GOLGA4: variants seen among roughly 807,000 people sequenced by gnomAD.
GOLGA4 encodes golgin subfamily A member 4.
Under a neutral mutation model 265.9 loss-of-function variants are expected in GOLGA4, and 169 were observed. That is an observed-to-expected ratio of 0.64 (90% CI 0.56 to 0.72). The LOEUF is 0.72. GOLGA4 is among the 30% of genes least tolerant of loss of function. The probability of loss-of-function intolerance (pLI) is 0.00; values close to 1 mark genes in which losing one functional copy is unlikely to be tolerated. For missense variants in GOLGA4, 2,482 were observed against 2,483.4 expected, an observed-to-expected ratio of 1.00 and a Z score of 0.01; for synonymous variants, 923 against 855.8, an observed-to-expected ratio of 1.08 and a Z score of -1.37.
intron 12 of GOLGA4, chr3:37,319,527 C>G (rs1439040732): frequency 6.4e-6 from 1 of 156,088 alleles, no homozygotes; most frequent in Admixed American, 6.5e-5. Context: ...CCTCAGCTTC[C>G]CAAGTAGCTG....
At chr3:37,335,235 T>TTTAGG in intron 17 of GOLGA4, 69 bp downstream of exon 17, 1 of 798,880 alleles carries the variant, frequency 1.3e-6, no homozygotes, top group South Asian at 1.5e-5. Flanking sequence ...TTGACTAGCC[T>TTTAGG]ACTAACATAC....
chr3:37,282,004 C>T lies in GOLGA4; in HGVS notation c.209C>T (p.Pro70Leu), dbSNP rs377708769. Residue 70 changes from proline (P) to leucine (L), a missense_variant, in exon 3 of 24, where the codon CCC (proline) becomes CTC (leucine). Pro to Leu is a moderately conservative substitution (Grantham distance 98, BLOSUM62 -3). Around this residue, in one of 3 missense-constraint regions of GOLGA4, gnomAD observed 1,536 missense variants for 1,483.7 expected, o/e 1.04. Transcript: ENST00000361924. ...GCACAGAAGCTCCAGCTCCGGGTGC[C>T]CTCCGTGGAGTCTTTGTTTCGAAGT... ...SFAQKLQLRV[P>L]SVESLFRSPI... The T allele has an allele frequency of 1.2e-6, 2 of 1,614,070 alleles. No individual in the cohort carries two copies. The highest frequency in any genetic ancestry group is 8.5e-7 in the Non-Finnish European group (1 of 1,179,956).
intron 10 of GOLGA4, among the ~76,000 whole-genome samples, chr3:37,309,409 G>T (rs1161799093): frequency 1.3e-5 from 2 of 152,024 alleles, no homozygotes; most frequent in Non-Finnish European, 2.9e-5. Context: ...ACAAAAATTA[G>T]CTGGGCATGG....
At chr3:37,248,912 A>G (rs967450001) in intron 1 of GOLGA4, among the ~76,000 whole-genome samples, 2 of 152,226 alleles carry the variant, frequency 1.3e-5, no homozygotes, top group African/African-American at 4.8e-5. Context: ...AGCTGAATTA[A>G]TAACCCAGAG....
chr3:37,321,988 A>T, intron 13 of GOLGA4, 102 bp downstream of exon 13: 2 of 886,376 alleles, frequency 2.3e-6, no homozygotes, highest in Non-Finnish European at 3.5e-6. Context: ...ACTGGATTAG[A>T]TTTATGTATA....
chr3:37,256,825 T>C (rs753344840), intron 2 of GOLGA4, among the ~76,000 whole-genome samples: 4 of 152,130 alleles, frequency 2.6e-5, no homozygotes, highest in Admixed American at 6.6e-5. Flanking sequence ...CCACTCCAGA[T>C]TGGACCTGGA....
chr3:37,251,562 G>A lies in GOLGA4; in HGVS notation c.162+78G>A, dbSNP rs1052590590. On this transcript the variant is annotated intron_variant, in intron 2 of 23. Coordinates refer to ENST00000361924, the MANE Select transcript of GOLGA4 (RefSeq NM_002078.5). The stretch of plus-strand genomic sequence containing the variant: ...ATGTATGCTGTTGATAACAAAATGG[G>A]AAACTTTTGACAGGTCAGCTATTTA... 21 of 875,264 alleles carry A rather than the reference G, an allele frequency of 2.4e-5. No individual in the cohort carries two copies. In the Admixed American group the frequency reaches 4.0e-4, roughly 17 times the overall value. The allele number at this position is 875,264 out of a possible 1,614,324, so 54.2% of individuals were successfully genotyped here. A position where few individuals can be genotyped will look rare whatever the true frequency, so the allele number is the denominator to read the frequency against.
Position 37,326,828 on chromosome 3 carries a change from A to T in GOLGA4, c.4942A>T (p.Ile1648Phe), listed in dbSNP as rs1047381014. Reference sequence around the variant, plus strand: ...GTTGAAGAGAAAAGCTGAACAAAAAATTGCTGCCATTAAGAAGCAGTTGTT... The same window carrying T: ...GTTGAAGAGAAAAGCTGAACAAAAATTTGCTGCCATTAAGAAGCAGTTGTT... Reference protein sequence around the residue: ...AELKRKAEQKIAAIKKQLLSQ... With the variant: ...AELKRKAEQKFAAIKKQLLSQ... The change falls in exon 14 of 24, where the codon ATT becomes TTT. Residue 1648 changes from isoleucine to phenylalanine, a missense_variant. Ile to Phe is a conservative substitution (Grantham distance 21). Coordinates refer to ENST00000361924, the MANE Select transcript of GOLGA4 (RefSeq NM_002078.5). 1.9e-6 allele frequency: 3 copies of T among 1,613,730 alleles called. No homozygotes were observed. The highest frequency in any genetic ancestry group is 2.5e-6 in the Non-Finnish European group (3 of 1,179,820).
chr3:37,251,577 T>G (rs1162946773), intron 2 of GOLGA4, 93 bp downstream of exon 2: 3 of 747,358 alleles, frequency 4.0e-6, no homozygotes, highest in Non-Finnish European at 6.9e-6. Flanking sequence ...TTTTGACAGG[T>G]CAGCTATTTA....
At chr3:37,300,346 C>T (rs2096889417) in intron 9 of GOLGA4, among the ~76,000 whole-genome samples, 1 of 152,160 alleles carries the variant, frequency 6.6e-6, no homozygotes, top group Admixed American at 6.5e-5. Context: ...GCCGGGTTAT[C>T]ACTAGAGTAT....
chr3:37,292,500 AC>A (rs1266608318), intron 5 of GOLGA4, among the ~76,000 whole-genome samples: 1 of 152,154 alleles, frequency 6.6e-6, no homozygotes, highest in Non-Finnish European at 1.5e-5. Context: ...ATCCTGGCCA[AC>A]ATGGTGAAAC....
intron 2 of GOLGA4, among the ~76,000 whole-genome samples, chr3:37,276,977 C>CT (rs1230804099): frequency 2.0e-5 from 3 of 151,930 alleles, no homozygotes; most frequent in Non-Finnish European, 4.4e-5. Context: ...AATGAAAATA[C>CT]TTTTTTTTCC....
chr3:37,279,904 T>G (rs2096830109), intron 2 of GOLGA4, among the ~76,000 whole-genome samples: 1 of 147,694 alleles, frequency 6.8e-6, no homozygotes, highest in African/African-American at 2.5e-5. Flanking sequence ...AAGACTATTG[T>G]CTCAAAAAAA....
chr3:37,282,778 C>T (rs552439614), intron 3 of GOLGA4, among the ~76,000 whole-genome samples: 6 of 152,178 alleles, frequency 3.9e-5, no homozygotes, highest in Non-Finnish European at 8.8e-5. Flanking sequence ...TGAATCTTTT[C>T]ATTGCTAAAC....
chr3:37,326,193 A>G lies in GOLGA4; in HGVS notation c.4307A>G (p.Asp1436Gly), dbSNP rs1394806269. 6.2e-7 allele frequency: 1 copy of G among 1,613,268 alleles called. No homozygotes were observed. The highest frequency in any genetic ancestry group is 1.7e-5 in the Admixed American group (1 of 60,022). Reference sequence around the variant, plus strand: ...AAAATTTCTGCTCTTGAGCAGGTAGATGACTGGTCCAATAAATTCTCAGAA... The same window carrying G: ...AAAATTTCTGCTCTTGAGCAGGTAGGTGACTGGTCCAATAAATTCTCAGAA... The part of the protein sequence containing the change: ...KEKISALEQV[D>G]DWSNKFSEWK... Residue 1436 changes from aspartate to glycine, a missense_variant, in exon 14 of 24, where the codon GAT (aspartate) becomes GGT (glycine). Physicochemically the swap from Asp to Gly is moderately conservative, Grantham distance 94. Transcript: ENST00000361924.
chr3:37,269,149 T>C (rs1056068128), intron 2 of GOLGA4, among the ~76,000 whole-genome samples: 7 of 152,256 alleles, frequency 4.6e-5, no homozygotes, highest in Non-Finnish European at 8.8e-5. Context: ...TTGAATATAC[T>C]TTAAAAGAGT....
rs1269391141 is a variant in GOLGA4, at chr3:37,273,042, A to G, written c.163-8916A>G. ...TTTTTAAGTTCTTCTGAAAATTATC[A>G]TTTCATTTAGATTGCTAACTTCAAA... On this transcript the variant is annotated intron_variant, in intron 2 of 23. Transcript: ENST00000361924. Among the ~76,000 whole-genome samples, 19 of 152,138 alleles carry G rather than the reference A, an allele frequency of 1.2e-4. 1 individual carries two copies. Among genetic ancestry groups the G allele is most frequent in the African/African-American group, 4.6e-4 (19 of 41,418 alleles).
rs60890140 is a variant in GOLGA4 at position 37,314,642 on chromosome 3, AACACACAC to A, written c.1235-745_1235-738del. 8.9e-3 allele frequency among the ~76,000 whole-genome samples: 1,240 copies of A among 139,050 alleles called. 23 individuals are homozygous for A. The highest frequency in any genetic ancestry group is 0.031 in the African/African-American group (1,153 of 36,896). 91.2% of individuals were successfully genotyped at this position (139,050 alleles called of 152,430 possible). A position where few individuals can be genotyped will look rare whatever the true frequency, so the allele number is the denominator to read the frequency against. On this transcript the variant is annotated intron_variant, in intron 10 of 23. Coordinates refer to ENST00000361924, the MANE Select transcript of GOLGA4 (RefSeq NM_002078.5). The stretch of plus-strand genomic sequence containing the variant: ...GGTGACGGAGCAAGACTCCGTCTCA[AACACACAC>A]ACACACACACACACACACACACACA...
At chr3:37,279,734 T>G (rs1396950589) in intron 2 of GOLGA4, among the ~76,000 whole-genome samples, 2 of 151,890 alleles carry the variant, frequency 1.3e-5, no homozygotes, top group Non-Finnish European at 2.9e-5. Flanking sequence ...TGGTGAAATC[T>G]CCTCTCTACC....
Sources: allele counts gnomAD v4.1 joint callset (sites outside exome capture counted in the v4.1 genomes callset), GRCh38; gene constraint gnomAD v4.1.1; regional missense constraint gnomAD v4.1.1; transcripts MANE v1.5; gene names NCBI Gene and HGNC (gene_info 2026-07-23, HGNC 2026-07-21).